The following CTNND2 variants were observed in gnomAD, a reference collection of about 807,000 sequenced individuals.
The protein encoded by CTNND2 is catenin delta 2, also known as catenin delta-2.
A neutral mutation model predicts 144.4 loss-of-function variants in CTNND2; 22 were observed. The observed-to-expected ratio is 0.15, with a 90% CI of 0.11 to 0.22. CTNND2 has a LOEUF of 0.22. CTNND2 is among the 10% of genes least tolerant of loss of function. The pLI, the probability that CTNND2 is intolerant of heterozygous loss-of-function variation, is 1.00. For synonymous variants in CTNND2, 751 were observed against 695.6 expected, an observed-to-expected ratio of 1.08 and a Z score of -1.25; for missense variants, 1,353 against 1,618.8, an observed-to-expected ratio of 0.84 and a Z score of 2.82.
At chr5:11,522,707 A>T (rs978155741) in intron 3 of CTNND2, among the ~76,000 whole-genome samples, 5 of 152,192 alleles carry the variant, frequency 3.3e-5, no homozygotes, top group African/African-American at 1.2e-4. Context: ...TTGACTCATG[A>T]CAAGATGGCA....
chr5:11,607,650 T>C (rs1438069482), intron 2 of CTNND2, among the ~76,000 whole-genome samples: 2 of 152,228 alleles, frequency 1.3e-5, no homozygotes, highest in Non-Finnish European at 2.9e-5. Context: ...AGTTGCTCAA[T>C]AGTCTTAGTT....
intron 9 of CTNND2, among the ~76,000 whole-genome samples, chr5:11,238,290 C>T (rs2149899323): frequency 6.6e-6 from 1 of 152,210 alleles, no homozygotes; most frequent in Non-Finnish European, 1.5e-5. Flanking sequence ...CACCAAAGGG[C>T]ACTATTTATC....
At chr5:11,137,046 C>T (rs1459781161) in intron 12 of CTNND2, among the ~76,000 whole-genome samples, 1 of 152,202 alleles carries the variant, frequency 6.6e-6, no homozygotes, top group Non-Finnish European at 1.5e-5. Context: ...TTTCTTGTCA[C>T]TCATATATCA....
chr5:11,537,961 C>T (rs928664353), intron 3 of CTNND2, among the ~76,000 whole-genome samples: 4 of 152,270 alleles, frequency 2.6e-5, no homozygotes, highest in Middle Eastern at 3.4e-3. Flanking sequence ...TTCACCTACG[C>T]TGTTACTAGA....
At chr5:11,394,045 C>T (rs1759859348) in intron 6 of CTNND2, among the ~76,000 whole-genome samples, 1 of 152,116 alleles carries the variant, frequency 6.6e-6, no homozygotes, top group South Asian at 2.1e-4. Flanking sequence ...CAGAGGGAGC[C>T]ATATAGCTTC....
At chr5:11,730,263 T>C (rs1787303800) in intron 2 of CTNND2, among the ~76,000 whole-genome samples, 1 of 152,210 alleles carries the variant, frequency 6.6e-6, no homozygotes, top group African/African-American at 2.4e-5. Flanking sequence ...CCAGAGTTTC[T>C]TCTAATATGT....
chr5:11,601,062 T>C (rs181307109), intron 2 of CTNND2, among the ~76,000 whole-genome samples: 1 of 152,248 alleles, frequency 6.6e-6, no homozygotes, highest in East Asian at 1.9e-4. Flanking sequence ...TTAGTAACAC[T>C]ATATATATAG....
At chr5:11,494,420 A>G (rs960230563) in intron 3 of CTNND2, among the ~76,000 whole-genome samples, 1 of 152,180 alleles carries the variant, frequency 6.6e-6, no homozygotes, top group Non-Finnish European at 1.5e-5. Flanking sequence ...TCATCTGTAA[A>G]TACCTATTAT....
intron 7 of CTNND2, among the ~76,000 whole-genome samples, chr5:11,374,069 G>A (rs116108437): frequency 0.012 from 1,845 of 152,082 alleles, 34 homozygotes; most frequent in African/African-American, 0.043. Context: ...AGGAGGGTGG[G>A]GTCAGTGCTG....
chr5:11,436,191 G>A (rs749754519), intron 3 of CTNND2, among the ~76,000 whole-genome samples: 1 of 151,888 alleles, frequency 6.6e-6, no homozygotes, highest in Non-Finnish European at 1.5e-5. Flanking sequence ...GAACACCAGT[G>A]GGCAACAGAC....
At chr5:11,470,980 ATTTTTTT>A (rs1171276873) in intron 3 of CTNND2, among the ~76,000 whole-genome samples, 1 of 91,582 alleles carries the variant, frequency 1.1e-5, no homozygotes, top group African/African-American at 5.7e-5. Flanking sequence ...ATATATATAT[ATTTTTTT>A]TTTTTTTTTA....
chr5:11,443,656 T>A (rs1360723463), intron 3 of CTNND2, among the ~76,000 whole-genome samples: 1 of 152,154 alleles, frequency 6.6e-6, no homozygotes, highest in African/African-American at 2.4e-5. Flanking sequence ...ATAAACCAAA[T>A]GTGACATTTA....
At position 11,199,512 on chromosome 5, in the gene CTNND2, G is replaced by A. The variant is rs753447239; in HGVS notation, c.1911C>T (p.Gly637=). Residue 637 remains glycine (G), a synonymous_variant, in exon 11 of 22, where the codon GGC becomes GGT. Coordinates refer to ENST00000304623, the MANE Select transcript of CTNND2 (RefSeq NM_001332.4). ...GGAGTAACCTCACCAGTGCTGGGAT[G>A]CCACCACAGTTTTTCAGGGCAATTT... The part of the protein sequence containing the change: ...DNKIALKNCG[G]IPALVRLLRK... 3.7e-6 allele frequency: 6 copies of A among 1,614,200 alleles called. No individual in the cohort carries two copies. The East Asian group carries it at 6.7e-5, about 18-fold the overall frequency.
intron 12 of CTNND2, among the ~76,000 whole-genome samples, chr5:11,129,123 AT>A (rs1202016500): frequency 2.7e-4 from 4 of 14,916 alleles, no homozygotes; most frequent in African/African-American, 6.5e-4. Flanking sequence ...ATTATATATA[AT>A]ATATATTTAT....
intron 9 of CTNND2, among the ~76,000 whole-genome samples, chr5:11,325,028 C>A (rs1752396542): frequency 6.6e-6 from 1 of 151,832 alleles, no homozygotes; most frequent in African/African-American, 2.4e-5. Flanking sequence ...CCCTCTTTGC[C>A]TGAACTGGTG....
At chr5:11,344,973 C>A in intron 9 of CTNND2, among the ~76,000 whole-genome samples, 1 of 152,054 alleles carries the variant, frequency 6.6e-6, no homozygotes, top group South Asian at 2.1e-4. Context: ...AAAGTATTTC[C>A]ATCAGAGATA....
At chr5:11,660,623 G>A (rs140345047) in intron 2 of CTNND2, among the ~76,000 whole-genome samples, 1 of 152,094 alleles carries the variant, frequency 6.6e-6, no homozygotes, top group Non-Finnish European at 1.5e-5. Context: ...GTATAAAATA[G>A]AATTTGGGAG....
chr5:11,266,635 A>T (rs1745464122), intron 9 of CTNND2, among the ~76,000 whole-genome samples: 1 of 152,082 alleles, frequency 6.6e-6, no homozygotes, highest in African/African-American at 2.4e-5. Context: ...CCTCCCCTTT[A>T]CCTTTCATAA....
At chr5:11,056,260 C>T (rs1054830508) in intron 16 of CTNND2, among the ~76,000 whole-genome samples, 3 of 152,068 alleles carry the variant, frequency 2.0e-5, no homozygotes, top group Admixed American at 6.5e-5. Flanking sequence ...CGTAGTGATG[C>T]CTTGAACATA....
Sources: allele counts gnomAD v4.1 joint callset (sites outside exome capture counted in the v4.1 genomes callset), GRCh38; gene constraint gnomAD v4.1.1; transcripts MANE v1.5; gene names NCBI Gene and HGNC (gene_info 2026-07-23, HGNC 2026-07-21).